Variants in OSTF1 observed in about 807,000 individuals in gnomAD.
The protein encoded by OSTF1 is osteoclast-stimulating factor 1.
Under a neutral mutation model 37.2 loss-of-function variants are expected in OSTF1, and 27 were observed. The observed-to-expected ratio is 0.73, with a 90% confidence interval of 0.54 to 1.00. The LOEUF is 1.00. Among genes scored for constraint, OSTF1 ranks in the 50% least tolerant of loss-of-function variants. The pLI is 0.00. For synonymous variants in OSTF1, 82 were observed against 89.2 expected, an observed-to-expected ratio of 0.92 and a Z score of 0.46; for missense variants, 232 against 253.8, an observed-to-expected ratio of 0.91 and a Z score of 0.58.
intron 2 of OSTF1, among the ~76,000 whole-genome samples, chr9:75,123,486 A>G (rs974000166): frequency 6.6e-6 from 1 of 152,240 alleles, no homozygotes. Context: ...TGCATACTTC[A>G]TTATGTTATT....
intron 1 of OSTF1, among the ~76,000 whole-genome samples, chr9:75,103,449 C>T (rs1017037243): frequency 1.3e-5 from 2 of 152,168 alleles, no homozygotes; most frequent in Non-Finnish European, 2.9e-5. Context: ...TTCTACCACT[C>T]AGAGATAACA....
chr9:75,129,840 G>A lies in OSTF1; in HGVS notation c.133-738G>A, dbSNP rs574366387. On this transcript the variant is annotated intron_variant, in intron 3 of 9. Transcript: ENST00000346234. Reference sequence around the variant, plus strand: ...CCTTATTTGAGTCCCAAATTATGGGGCAGTTGGGAAATTTGAGTATCGACC... The same window carrying A: ...CCTTATTTGAGTCCCAAATTATGGGACAGTTGGGAAATTTGAGTATCGACC... 2.8e-3 allele frequency among the ~76,000 whole-genome samples: 434 copies of A among 152,316 alleles called. 2 individuals carry two copies. The highest frequency in any genetic ancestry group is 4.7e-3 in the Admixed American group (72 of 15,294).
intron 1 of OSTF1, among the ~76,000 whole-genome samples, chr9:75,096,353 T>G (rs995346412): frequency 6.6e-6 from 1 of 152,362 alleles, no homozygotes; most frequent in Non-Finnish European, 1.5e-5. Context: ...AATTTAAAAG[T>G]CTTTAGCATC....
At chr9:75,110,777 C>T (rs1020610004) in intron 1 of OSTF1, among the ~76,000 whole-genome samples, 6 of 151,732 alleles carry the variant, frequency 4.0e-5, no homozygotes, top group Admixed American at 1.3e-4. Flanking sequence ...GTGGTGCAGT[C>T]ATGGCTCACT....
At chr9:75,142,643 G>A (rs946650804) in intron 9 of OSTF1, among the ~76,000 whole-genome samples, 1 of 152,056 alleles carries the variant, frequency 6.6e-6, no homozygotes, top group Non-Finnish European at 1.5e-5. Flanking sequence ...TGGGAGGCAG[G>A]TACTCTTTTC....
chr9:75,104,033 GC>G (rs993253653), intron 1 of OSTF1, among the ~76,000 whole-genome samples: 1 of 152,066 alleles, frequency 6.6e-6, no homozygotes, highest in African/African-American at 2.4e-5. Flanking sequence ...TTCAAGGGCA[GC>G]CTGTGCAACA....
chr9:75,092,692 GTTTC>G (rs1268245711), intron 1 of OSTF1, among the ~76,000 whole-genome samples: 1 of 151,860 alleles, frequency 6.6e-6, no homozygotes, highest in Non-Finnish European at 1.5e-5. Flanking sequence ...ATTCTTTCAG[GTTTC>G]TTTCTTCTTC....
At chr9:75,088,769 C>G (rs751327095) in intron 1 of OSTF1, 43 bp downstream of exon 1, 2 of 1,572,120 alleles carry the variant, frequency 1.3e-6, no homozygotes, top group South Asian at 2.3e-5. Context: ...CTGCGACCGC[C>G]GCGGTGCCGG....
intron 1 of OSTF1, among the ~76,000 whole-genome samples, chr9:75,116,781 T>A (rs935340350): frequency 1.3e-5 from 2 of 152,198 alleles, no homozygotes; most frequent in Non-Finnish European, 2.9e-5. Context: ...GGAAGGACTC[T>A]GTATAGGACA....
intron 2 of OSTF1, among the ~76,000 whole-genome samples, chr9:75,124,308 T>C (rs1294991317): frequency 6.6e-6 from 1 of 152,216 alleles, no homozygotes; most frequent in Non-Finnish European, 1.5e-5. Context: ...TATTTAAAAA[T>C]GTACCATTAT....
chr9:75,126,671 G>A (rs1033175835), intron 2 of OSTF1, among the ~76,000 whole-genome samples: 2 of 152,140 alleles, frequency 1.3e-5, no homozygotes, highest in African/African-American at 4.8e-5. Context: ...TCAGCTCACC[G>A]CAACCTCTGC....
chr9:75,113,981 ACTGT>A (rs1204905288), intron 1 of OSTF1, among the ~76,000 whole-genome samples: 1 of 151,996 alleles, frequency 6.6e-6, no homozygotes, highest in African/African-American at 2.4e-5. Flanking sequence ...CCACTATATT[ACTGT>A]CTGTTTCTAT....
At chr9:75,092,571 A>C (rs1002269636) in intron 1 of OSTF1, among the ~76,000 whole-genome samples, 2 of 152,108 alleles carry the variant, frequency 1.3e-5, no homozygotes, top group African/African-American at 4.8e-5. Context: ...GTAAAAATAT[A>C]ATTTTTTTAT....
chr9:75,092,994 C>T (rs1373250895), intron 1 of OSTF1, among the ~76,000 whole-genome samples: 4 of 151,696 alleles, frequency 2.6e-5, no homozygotes, highest in African/African-American at 9.7e-5. Flanking sequence ...GTTGCAATTT[C>T]GTGGTCTTCA....
chr9:75,131,816 A>G lies in OSTF1; in HGVS notation c.243A>G (p.Ala81=), dbSNP rs1374993123. The change falls in exon 5 of 10, where the codon GCA becomes GCG. Residue 81 remains alanine, a synonymous_variant. Transcript: ENST00000346234. Reference sequence around the variant, plus strand: ...TTGACAATCCATTGCATGAAGCAGCAAAAAGAGGTAGGTGTGATTCTTTTT... The same window carrying G: ...TTGACAATCCATTGCATGAAGCAGCGAAAAGAGGTAGGTGTGATTCTTTTT... The part of the protein sequence containing the change: ...ESIDNPLHEA[A]KRGNLSWLRE... 1.2e-6 allele frequency: 2 copies of G among 1,612,344 alleles called. No homozygotes were observed. The highest frequency in any genetic ancestry group is 1.3e-5 in the African/African-American group (1 of 75,014).
intron 1 of OSTF1, among the ~76,000 whole-genome samples, chr9:75,111,756 G>A (rs1275487476): frequency 1.4e-5 from 2 of 138,506 alleles, no homozygotes; most frequent in South Asian, 2.6e-4. Context: ...ACAAGAACAA[G>A]TAAACTTGGA....
rs566809174 is a variant in OSTF1 at position 75,139,465 on chromosome 9, A to G, written c.488-1369A>G. On this transcript the variant is annotated intron_variant, in intron 8 of 9. Coordinates refer to ENST00000346234, the MANE Select transcript of OSTF1 (RefSeq NM_012383.5). ...GTTTTCTTTGAGACTGTCTGGCTCT[A>G]TTGCCCAGGTTGGAGTGCAGTGGCG... is the stretch of plus-strand genomic sequence containing the variant. Among the ~76,000 whole-genome samples, 16 of 152,158 alleles carry G rather than the reference A, an allele frequency of 1.1e-4. No homozygotes were observed. In the South Asian group the frequency reaches 1.7e-3, roughly 16 times the overall value.
chr9:75,108,790 G>A lies in OSTF1; in HGVS notation c.35-8714G>A, dbSNP rs1825334980. Among the ~76,000 whole-genome samples, 4 of 152,054 alleles carry A rather than the reference G, an allele frequency of 2.6e-5. 1 individual carries two copies. Among genetic ancestry groups the A allele is most frequent in the Non-Finnish European group, 4.4e-5 (3 of 68,024 alleles). On this transcript the variant is annotated intron_variant, in intron 1 of 9. Coordinates refer to ENST00000346234, the MANE Select transcript of OSTF1 (RefSeq NM_012383.5). Reference sequence around the variant, plus strand: ...CTAATGTGCTGGCAGCGTCACTTCCGGCAGCAGTGACTCTGGCAGAGCTAG... The same window carrying A: ...CTAATGTGCTGGCAGCGTCACTTCCAGCAGCAGTGACTCTGGCAGAGCTAG...
intron 5 of OSTF1, 78 bp downstream of exon 5, chr9:75,131,901 C>G: frequency 9.9e-7 from 1 of 1,012,460 alleles, no homozygotes; most frequent in Non-Finnish European, 1.6e-6. Context: ...CAAGTGCATA[C>G]ACCCACGTAA....
Sources: gnomAD v4.1 joint callset for allele counts (sites outside exome capture counted in the v4.1 genomes callset) on GRCh38, gnomAD v4.1.1 for gene constraint, MANE v1.5 for transcripts, NCBI Gene and HGNC (gene_info 2026-07-23, HGNC 2026-07-21) for gene names.